Variants in SLC4A5 observed in about 807,000 individuals in gnomAD.
SLC4A5 encodes the protein solute carrier family 4 member 5.
Under a neutral mutation model 120.4 loss-of-function variants are expected in SLC4A5, and 96 were observed. That is an observed-to-expected ratio of 0.80 (90% CI 0.68 to 0.94). The LOEUF (loss-of-function observed/expected upper bound fraction) is 0.94. Ranked by LOEUF, SLC4A5 falls within the 40% of genes least tolerant of loss-of-function variation. SLC4A5 has a pLI of 0.00. For missense variants in SLC4A5, 1,259 were observed against 1,459.5 expected (o/e 0.86, Z 2.24); for synonymous variants, 550 against 571.1 (o/e 0.96, Z 0.53).
At chr2:74,265,364 G>A (rs1671270404) in intron 8 of SLC4A5, 100 bp from the exon 9 acceptor site, 1 of 1,407,404 alleles carries the variant, frequency 7.1e-7, no homozygotes, top group Non-Finnish European at 9.7e-7. Context: ...TTCATGCTAT[G>A]TATGTGGTTG....
At chr2:74,333,790 G>A (rs540677003) in intron 4 of SLC4A5, among the ~76,000 whole-genome samples, 1 of 152,268 alleles carries the variant, frequency 6.6e-6, no homozygotes, top group South Asian at 2.1e-4. Context: ...CCATCTCCTG[G>A]CTAAATGCCA....
chr2:74,229,263 G>GA (rs200262487), intron 25 of SLC4A5, among the ~76,000 whole-genome samples: 1 of 148,952 alleles, frequency 6.7e-6, no homozygotes, highest in Admixed American at 6.7e-5. Context: ...TTTTTTTGGG[G>GA]GGGGCACGGA....
intron 6 of SLC4A5, chr2:74,307,052 G>A (rs1384307157): frequency 1.1e-5 from 6 of 570,884 alleles, no homozygotes; most frequent in South Asian, 6.5e-5. Context: ...CCCTCAGGCT[G>A]TTTCCCAAGC....
chr2:74,335,454 C>A (rs1436266384), intron 3 of SLC4A5, among the ~76,000 whole-genome samples: 3 of 152,206 alleles, frequency 2.0e-5, no homozygotes, highest in Non-Finnish European at 4.4e-5. Context: ...CCCCTCTCCC[C>A]AGGCTGTACT....
At chr2:74,321,949 A>C (rs1326609623) in intron 5 of SLC4A5, among the ~76,000 whole-genome samples, 2 of 152,024 alleles carry the variant, frequency 1.3e-5, no homozygotes, top group Admixed American at 6.6e-5. Context: ...CTTTCAGGAA[A>C]GCTTTTATTT....
At chr2:74,303,192 T>C (rs1480311068) in intron 7 of SLC4A5, among the ~76,000 whole-genome samples, 2 of 152,042 alleles carry the variant, frequency 1.3e-5, no homozygotes, top group African/African-American at 4.8e-5. Flanking sequence ...GGATTTACCA[T>C]TACCCCATCT....
At chr2:74,325,933 G>A (rs1401279972) in intron 5 of SLC4A5, among the ~76,000 whole-genome samples, 1 of 150,694 alleles carries the variant, frequency 6.6e-6, no homozygotes, top group Non-Finnish European at 1.5e-5. Context: ...GAGGGGAGGA[G>A]GAAGGGAGAA....
intron 5 of SLC4A5, among the ~76,000 whole-genome samples, chr2:74,317,909 C>T (rs993477125): frequency 5.9e-5 from 9 of 152,200 alleles, no homozygotes; most frequent in African/African-American, 2.2e-4. Context: ...CACTTCAAAA[C>T]ATGAACAGCC....
intron 16 of SLC4A5, among the ~76,000 whole-genome samples, chr2:74,251,258 C>A (rs914952120): frequency 6.6e-6 from 1 of 151,662 alleles, no homozygotes; most frequent in African/African-American, 2.4e-5. Context: ...TCCCTGGGCT[C>A]GGGGGTAGGG....
Position 74,255,449 on chromosome 2 carries a change from C to T in SLC4A5, c.1025+326G>A, listed in dbSNP as rs746895505. 6.6e-6 allele frequency among the ~76,000 whole-genome samples: 1 copy of T among 152,108 alleles called. No homozygotes were observed. The highest frequency in any genetic ancestry group is 2.1e-4 in the South Asian group (1 of 4,830). On this transcript the variant is annotated intron_variant, in intron 13 of 30. Coordinates refer to ENST00000394019, the Ensembl canonical transcript of SLC4A5. This position sits in a 1 kb window ranked among gnomAD's most constrained non-coding sequence, Gnocchi z 4.0. ...CTGGGATTACAGGCGCGTACCACCA[C>T]ACCTGGCTAATTTTTTTGTATTTTT...
At chr2:74,230,335 A>G (rs1378283533) in intron 25 of SLC4A5, among the ~76,000 whole-genome samples, 1 of 152,130 alleles carries the variant, frequency 6.6e-6, no homozygotes, top group Admixed American at 6.6e-5. Context: ...GTCTCTCCAG[A>G]AAGAGACCCT....
chr2:74,314,963 T>G, exon 6 of SLC4A5: 3 of 1,560,732 alleles, frequency 1.9e-6, no homozygotes, highest in South Asian at 2.2e-5. Context: ...TCCGGAAATC[T>G]CCTCCTGTGG....
At chr2:74,286,450 T>C (rs1671986592) in intron 7 of SLC4A5, among the ~76,000 whole-genome samples, 1 of 152,218 alleles carries the variant, frequency 6.6e-6, no homozygotes, top group East Asian at 1.9e-4. Flanking sequence ...CCTGGGTGTC[T>C]CCCAGGCACC....
intron 7 of SLC4A5, among the ~76,000 whole-genome samples, chr2:74,287,062 G>T (rs1213410119): frequency 6.6e-6 from 1 of 152,070 alleles, no homozygotes; most frequent in African/African-American, 2.4e-5. Flanking sequence ...GAACCCCACT[G>T]CCCTGCCCCG....
Position 74,254,610 on chromosome 2 carries a change from A to G in SLC4A5, c.1113+9T>C, listed in dbSNP as rs1288655525. The G allele has an allele frequency of 9.3e-6, 15 of 1,612,556 alleles. No individual in the cohort carries two copies. Among genetic ancestry groups the G allele is most frequent in the Non-Finnish European group, 1.3e-5 (15 of 1,178,634 alleles). On this transcript the variant is annotated intron_variant, in intron 14 of 30. Coordinates refer to ENST00000394019, the Ensembl canonical transcript of SLC4A5. ...AATTCAGGAGTACAAGCTTCTGGTT[A>G]CCACTTACATCATCTACCATGAGGG...
chr2:74,242,469 T>G (rs1484747335), intron 19 of SLC4A5, among the ~76,000 whole-genome samples: 3 of 152,206 alleles, frequency 2.0e-5, no homozygotes, highest in African/African-American at 4.8e-5. Context: ...TTCATTTGTT[T>G]AATTCCCAGA....
chr2:74,339,365 TGGC>T (rs1479502716), intron 2 of SLC4A5: 1 of 152,144 alleles, frequency 6.6e-6, no homozygotes, highest in African/African-American at 2.4e-5. Context: ...CCTGCACATC[TGGC>T]ATATGTACCC....
At chr2:74,260,555 A>T (rs1213236647) in intron 11 of SLC4A5, among the ~76,000 whole-genome samples, 6 of 151,856 alleles carry the variant, frequency 4.0e-5, no homozygotes, top group Non-Finnish European at 2.9e-5. Context: ...CCTGCCCCCA[A>T]ATCACTTTCC....
At chr2:74,261,823 G>C (rs2104032723) in intron 11 of SLC4A5, among the ~76,000 whole-genome samples, 1 of 152,334 alleles carries the variant, frequency 6.6e-6, no homozygotes, top group South Asian at 2.1e-4. Flanking sequence ...CCAAAAAACA[G>C]GGTTAATGTC....
Sources: gnomAD v4.1 joint callset for allele counts (sites outside exome capture counted in the v4.1 genomes callset) on GRCh38, gnomAD v4.1.1 for gene constraint, Gnocchi (gnomAD v3.1) non-coding constraint, MANE v1.5 for transcripts, NCBI Gene and HGNC (gene_info 2026-07-23, HGNC 2026-07-21) for gene names.